MYBL1: variants seen among roughly 807,000 people sequenced by gnomAD.
MYBL1 encodes MYB proto-oncogene like 1.
In MYBL1, 17 loss-of-function variants were observed where a neutral mutation model predicts 96.3. That is an observed-to-expected ratio of 0.18 (90% CI 0.12 to 0.26). MYBL1 has a LOEUF of 0.26. MYBL1 is among the 10% of genes least tolerant of loss of function. The probability of loss-of-function intolerance (pLI) is 1.00; values close to 1 mark genes in which losing one functional copy is unlikely to be tolerated. For missense variants in MYBL1, 701 were observed against 882.9 expected (o/e 0.79, Z 2.61); for synonymous variants, 282 against 292.7 (o/e 0.96, Z 0.37).
chr8:66,564,554 C>G lies in MYBL1; in HGVS notation c.*143G>C, dbSNP rs1390357855. ...AAGTGACTTACTAGCTTTCTGCCTA[C>G]TATATAGAATAGAAAAAAGATGCTG... On this transcript the variant is annotated 3_prime_UTR_variant, in exon 16 of 16. Coordinates refer to ENST00000522677, the MANE Select transcript of MYBL1 (RefSeq NM_001080416.4). The G allele has an allele frequency of 5.9e-6, 3 of 508,744 alleles. No homozygotes were observed. The East Asian group carries it at 1.1e-4, about 18-fold the overall frequency. 31.5% of individuals were successfully genotyped at this position (508,744 alleles called of 1,614,324 possible).
At chr8:66,594,169 C>T (rs1809762984) in intron 6 of MYBL1, among the ~76,000 whole-genome samples, 1 of 151,666 alleles carries the variant, frequency 6.6e-6, no homozygotes, top group Non-Finnish European at 1.5e-5. Context: ...AATCAAAAAC[C>T]ATAAATATGA....
intron 1 of MYBL1, among the ~76,000 whole-genome samples, chr8:66,604,417 G>T (rs1439048514): frequency 6.6e-6 from 1 of 151,818 alleles, no homozygotes; most frequent in Non-Finnish European, 1.5e-5. Context: ...CAGCTACTTG[G>T]GAGGCTGAAG....
At chr8:66,606,646 A>C (rs2130058047) in intron 1 of MYBL1, among the ~76,000 whole-genome samples, 1 of 152,368 alleles carries the variant, frequency 6.6e-6, no homozygotes, top group Non-Finnish European at 1.5e-5. Context: ...TTCATATTTG[A>C]CCAGGCAAAA....
chr8:66,578,945 T>C (rs1391899831), intron 9 of MYBL1, among the ~76,000 whole-genome samples: 2 of 151,988 alleles, frequency 1.3e-5, no homozygotes, highest in African/African-American at 2.4e-5. Context: ...ATGGATGAAA[T>C]TGGAAATCAT....
intron 6 of MYBL1, among the ~76,000 whole-genome samples, chr8:66,595,086 C>G (rs1227889985): frequency 1.3e-5 from 2 of 152,108 alleles, no homozygotes; most frequent in Admixed American, 1.3e-4. Context: ...TTTAATGAAT[C>G]ATCTAAACAA....
Position 66,564,894 on chromosome 8 carries a change from TA to T in MYBL1, c.2131-70del, listed in dbSNP as rs1481122210. On this transcript the variant is annotated intron_variant, in intron 15 of 15. Transcript: ENST00000522677. ...GCTATCTATATCACAATTAGACTCTTAAAGTCAGTTATTTTAACTGATTAGA... is the reference window on the plus strand; with the variant it reads ...GCTATCTATATCACAATTAGACTCTTAAGTCAGTTATTTTAACTGATTAGA... 1.5e-5 allele frequency: 16 copies of T among 1,037,460 alleles called. No individual in the cohort carries two copies. In the East Asian group the frequency reaches 4.2e-4, roughly 27 times the overall value. The allele number at this position is 1,037,460 out of a possible 1,614,324, so 64.3% of individuals were successfully genotyped here.
Position 66,597,383 on chromosome 8 carries a change from T to G in MYBL1, c.459A>C (p.Ala153=). The G allele has an allele frequency of 6.2e-7, 1 of 1,612,262 alleles. No individual in the cohort carries two copies. Among genetic ancestry groups the G allele is most frequent in the Non-Finnish European group, 8.5e-7 (1 of 1,179,052 alleles). The change falls in exon 5 of 16, where the codon GCA becomes GCC. Residue 153 remains alanine (A), a synonymous_variant. Transcript: ENST00000522677. The stretch of plus-strand genomic sequence containing the variant: ...CCCAACGATTTCCCAACCGCTTATG[T>G]GCTTCATAGATGATCCTGTCCTCCT... The part of the protein sequence containing the change: ...TEEEDRIIYE[A]HKRLGNRWAE...
intron 1 of MYBL1, among the ~76,000 whole-genome samples, chr8:66,609,289 G>A (rs1810435838): frequency 6.6e-6 from 1 of 151,980 alleles, no homozygotes; most frequent in Admixed American, 6.6e-5. Flanking sequence ...TTCCAAGGAG[G>A]AAACTGAAAT....
At position 66,586,672 on chromosome 8, in the gene MYBL1, C is replaced by A. The variant is rs145545645; in HGVS notation, c.867+5768G>T. On this transcript the variant is annotated intron_variant, in intron 8 of 15. Coordinates refer to ENST00000522677, the MANE Select transcript of MYBL1 (RefSeq NM_001080416.4). The stretch of plus-strand genomic sequence containing the variant: ...ATGATATGATGCAGTAATCCCACTA[C>A]TGGGTATGTATCCAAAGGAAAGAAA... Among the ~76,000 whole-genome samples the A allele has an allele frequency of 8.3e-3, 1,258 of 152,292 alleles. 7 individuals are homozygous for A. Among genetic ancestry groups the A allele is most frequent in the Non-Finnish European group, 0.011 (774 of 68,022 alleles).
At chr8:66,565,966 G>T in intron 15 of MYBL1, 98 bp downstream of exon 15, 1 of 861,964 alleles carries the variant, frequency 1.2e-6, no homozygotes, top group Non-Finnish European at 1.7e-6. Flanking sequence ...AATCAATTTT[G>T]AATTTAAAAG....
chr8:66,591,232 C>T (rs917089912), intron 8 of MYBL1, among the ~76,000 whole-genome samples: 3 of 151,844 alleles, frequency 2.0e-5, no homozygotes, highest in Non-Finnish European at 2.9e-5. Flanking sequence ...CCTGCAGTCC[C>T]AGCTACTCAG....
intron 7 of MYBL1, 107 bp downstream of exon 7, chr8:66,593,013 C>T (rs1365441557): frequency 1.9e-5 from 13 of 671,530 alleles, no homozygotes; most frequent in South Asian, 1.3e-4. Context: ...TAGGACAGAT[C>T]GTATTATTTT....
At chr8:66,610,188 A>G (rs1810475479) in intron 1 of MYBL1, among the ~76,000 whole-genome samples, 1 of 152,062 alleles carries the variant, frequency 6.6e-6, no homozygotes, top group South Asian at 2.1e-4. Flanking sequence ...AGTTAAATAT[A>G]TGTTAGTAAC....
chr8:66,601,230 ATTATAAAG>A (rs922925483), intron 3 of MYBL1, among the ~76,000 whole-genome samples: 1 of 151,556 alleles, frequency 6.6e-6, no homozygotes, highest in African/African-American at 2.4e-5. Flanking sequence ...TACTTCATAA[ATTATAAAG>A]TTATATAACG....
At chr8:66,597,663 T>C in intron 4 of MYBL1, 113 bp from the exon 5 acceptor site, 1 of 682,364 alleles carries the variant, frequency 1.5e-6, no homozygotes, top group Non-Finnish European at 2.4e-6. Context: ...CAACTACAAT[T>C]TGTTAAAAAA....
rs1808436972 is a variant in MYBL1 at position 66,564,746 on chromosome 8, AG to A, written c.2209del (p.Leu737Ter). 6.3e-7 allele frequency: 1 copy of A among 1,586,280 alleles called. No individual in the cohort carries two copies. Among genetic ancestry groups the A allele is most frequent in the African/African-American group, 1.3e-5 (1 of 74,454 alleles). The part of the protein sequence containing the change: ...LIMTEQARRY[L>X]STYTATSSTS... Reference sequence around the variant, plus strand: ...ACTACTGGTAGCTGTGTAAGTACTCAGATATCTTCTTGCTTGTTCAGTCATA... The same window carrying A: ...ACTACTGGTAGCTGTGTAAGTACTCAATATCTTCTTGCTTGTTCAGTCATA... On this transcript the variant is annotated frameshift_variant, in exon 16 of 16. Coordinates refer to ENST00000522677, the MANE Select transcript of MYBL1 (RefSeq NM_001080416.4). LOFTEE classifies it high-confidence loss of function.
Position 66,609,648 on chromosome 8 carries a change from T to C in MYBL1, c.20+3171A>G, listed in dbSNP as rs375479248. Among the ~76,000 whole-genome samples the C allele has an allele frequency of 1.8e-4, 28 of 152,152 alleles. No homozygotes were observed. In the East Asian group the frequency reaches 3.9e-3, roughly 21 times the overall value. ...CCTTTGATCATTATTAACAGCAATA[T>C]TGAGGAGAGTTCTACCTAGTAATTC... is the stretch of plus-strand genomic sequence containing the variant. On this transcript the variant is annotated intron_variant, in intron 1 of 15. Coordinates refer to ENST00000522677, the MANE Select transcript of MYBL1 (RefSeq NM_001080416.4).
intron 15 of MYBL1, 35 bp downstream of exon 15, chr8:66,566,029 A>G: frequency 7.1e-7 from 1 of 1,401,608 alleles, no homozygotes; most frequent in East Asian, 2.7e-5. Context: ...ACTAAACAAA[A>G]ACAAAAATCA....
rs1456380319 is a variant in MYBL1 at position 66,575,988 on chromosome 8, A to G, written c.1470+19T>C. 1 of 1,592,070 alleles carries G rather than the reference A, an allele frequency of 6.3e-7. No homozygotes were observed. The highest frequency in any genetic ancestry group is 1.1e-5 in the South Asian group (1 of 87,818). ...AACTCATTGACATTTAGAAACATAA[A>G]CAAAATGAACACCACTACCTGTGAA... On this transcript the variant is annotated intron_variant, in intron 10 of 15. Coordinates refer to ENST00000522677, the MANE Select transcript of MYBL1 (RefSeq NM_001080416.4).
Sources: gnomAD v4.1 joint callset for allele counts (sites outside exome capture counted in the v4.1 genomes callset) on GRCh38, gnomAD v4.1.1 for gene constraint, MANE v1.5 for transcripts, NCBI Gene and HGNC (gene_info 2026-07-23, HGNC 2026-07-21) for gene names.